The following CIMIP3 variants were observed in gnomAD, a reference collection of about 807,000 sequenced individuals.
CIMIP3 encodes ciliary microtubule inner protein 3.
chr6:42,161,194 A>G, the CIMIP3 span, among the ~76,000 whole-genome samples: 1 of 152,168 alleles, frequency 6.6e-6, no homozygotes, highest in African/African-American at 2.4e-5. Context: ...ATCTCAAAAA[A>G]CAAAAAACAA....
chr6:42,163,301 A>C, the CIMIP3 span: 1 of 494,162 alleles, frequency 2.0e-6, no homozygotes, highest in Non-Finnish European at 3.7e-6. Context: ...CTGTGACCTC[A>C]GGTCCCCAAG....
chr6:42,156,355 A>G, the CIMIP3 span, among the ~76,000 whole-genome samples: 1 of 146,368 alleles, frequency 6.8e-6, no homozygotes, highest in African/African-American at 2.6e-5. Flanking sequence ...AGGTCTCTCA[A>G]TGTTGCCCAG....
chr6:42,157,157 T>C, the CIMIP3 span, among the ~76,000 whole-genome samples: 1 of 152,240 alleles, frequency 6.6e-6, no homozygotes, highest in African/African-American at 2.4e-5. Context: ...TTAGTATATA[T>C]GTACATATTA....
the CIMIP3 span, among the ~76,000 whole-genome samples, chr6:42,158,427 G>T: frequency 6.6e-6 from 1 of 152,104 alleles, no homozygotes; most frequent in Non-Finnish European, 1.5e-5. Context: ...TGGATGTTCC[G>T]GGGACCCTGG....
At chr6:42,162,219 G>T in the CIMIP3 span, among the ~76,000 whole-genome samples, 1 of 147,498 alleles carries the variant, frequency 6.8e-6, no homozygotes, top group African/African-American at 2.5e-5. Flanking sequence ...TTTGAGACCA[G>T]CCTGGCCAAC....
chr6:42,157,411 G>A, the CIMIP3 span, among the ~76,000 whole-genome samples: 1 of 151,936 alleles, frequency 6.6e-6, no homozygotes, highest in Admixed American at 6.6e-5. Context: ...ATCACACCCA[G>A]CTAATGTTTT....
chr6:42,160,353 C>G, the CIMIP3 span, among the ~76,000 whole-genome samples: 1 of 152,166 alleles, frequency 6.6e-6, no homozygotes, highest in African/African-American at 2.4e-5. Context: ...TGCCTATAAG[C>G]CCCTGTGCCC....
the CIMIP3 span, among the ~76,000 whole-genome samples, chr6:42,160,257 G>C: frequency 1.8e-4 from 28 of 152,198 alleles, 1 homozygote; most frequent in South Asian, 5.6e-3. Context: ...TCAAAGTGTT[G>C]GGATTACAGG....
At chr6:42,163,222 T>C in the CIMIP3 span, 7 of 593,128 alleles carry the variant, frequency 1.2e-5, no homozygotes, top group African/African-American at 9.4e-5. Flanking sequence ...ATGTGCCTCC[T>C]GCCAACTTGG....
the CIMIP3 span, chr6:42,163,240 G>A: frequency 1.5e-5 from 9 of 593,678 alleles, no homozygotes; most frequent in Middle Eastern, 2.6e-4. Flanking sequence ...TGGTCTTGTG[G>A]CGCTCCTAGG....
At chr6:42,163,409 C>T in the CIMIP3 span, 1 of 403,926 alleles carries the variant, frequency 2.5e-6, no homozygotes. Context: ...GGTCTCTCTT[C>T]TCAGCAGCAG....
chr6:42,155,623 G>A, the CIMIP3 span: 1 of 717,264 alleles, frequency 1.4e-6, no homozygotes, highest in Non-Finnish European at 2.6e-6. Context: ...GCTTAGTTGG[G>A]TGCTGGTGCT....
chr6:42,155,974 C>T, the CIMIP3 span, among the ~76,000 whole-genome samples: 1 of 152,196 alleles, frequency 6.6e-6, no homozygotes, highest in East Asian at 1.9e-4. Flanking sequence ...AAGGATCAGG[C>T]AGCTAGTGAG....
the CIMIP3 span, chr6:42,155,610 AAGGCTT>A: frequency 5.6e-6 from 4 of 717,352 alleles, no homozygotes; most frequent in South Asian, 5.9e-5. Flanking sequence ...CCTCTTACAA[AAGGCTT>A]AGTTGGGTGC....
At chr6:42,155,588 T>G in the CIMIP3 span, 1 of 717,508 alleles carries the variant, frequency 1.4e-6, no homozygotes, top group African/African-American at 1.7e-5. Flanking sequence ...CATGTGCGGC[T>G]GGGAGGTAGG....
At chr6:42,157,331 C>T in the CIMIP3 span, among the ~76,000 whole-genome samples, 9 of 152,078 alleles carry the variant, frequency 5.9e-5, no homozygotes, top group African/African-American at 1.4e-4. Flanking sequence ...TCCCTGTAAC[C>T]TCCTCCTCCC....
chr6:42,161,094 A>G, the CIMIP3 span, among the ~76,000 whole-genome samples: 1 of 152,176 alleles, frequency 6.6e-6, no homozygotes, highest in Admixed American at 6.5e-5. Context: ...AGGGTGAGGC[A>G]GGAGAATTGC....
chr6:42,157,988 C>G, the CIMIP3 span, among the ~76,000 whole-genome samples: 3 of 152,156 alleles, frequency 2.0e-5, no homozygotes, highest in African/African-American at 7.2e-5. Flanking sequence ...GTCTCCTACC[C>G]GCTGGAAGGC....
chr6:42,155,535 G>A, the CIMIP3 span: 3 of 717,400 alleles, frequency 4.2e-6, no homozygotes, highest in Non-Finnish European at 2.6e-6. Context: ...GTCACAAGAA[G>A]CCTGATGGGC....
Sources: gnomAD v4.1 joint callset for allele counts (sites outside exome capture counted in the v4.1 genomes callset) on GRCh38, gnomAD v4.1.1 for gene constraint, MANE v1.5 for transcripts, NCBI Gene and HGNC (gene_info 2026-07-23, HGNC 2026-07-21) for gene names.